The following CCDC6 variants were observed in gnomAD, a reference collection of about 807,000 sequenced individuals.
CCDC6 encodes the protein coiled-coil domain-containing protein 6.
Under a neutral mutation model 56.6 loss-of-function variants are expected in CCDC6, and 20 were observed. That is an observed-to-expected ratio of 0.35 (90% CI 0.25 to 0.51). CCDC6 has a LOEUF of 0.51. Among genes scored for constraint, CCDC6 ranks in the 20% least tolerant of loss-of-function variants. The pLI is 0.95. For missense variants in CCDC6, 367 were observed against 601.1 expected (o/e 0.61, Z 4.07); for synonymous variants, 241 against 234.4 (o/e 1.03, Z -0.26).
In CCDC6 at chr10:59,893,658, A is replaced by ACATG. The variant is rs200191020; in HGVS notation, c.303+12463_303+12464insCATG. Among the ~76,000 whole-genome samples the ACATG allele has an allele frequency of 9.7e-3, 1,367 of 140,718 alleles. 19 individuals are homozygous for ACATG. The highest frequency in any genetic ancestry group is 0.033 in the African/African-American group (1,250 of 38,238). The allele number at this position is 140,718 out of a possible 152,430, so 92.3% of individuals were successfully genotyped here. ...TACATACATACATACATACATACATACATACATACAATGAGCACTGTTTGA... is the reference window on the plus strand; with the variant it reads ...TACATACATACATACATACATACATACATGCATACATACAATGAGCACTGTTTGA... On this transcript the variant is annotated intron_variant, in intron 1 of 8. Coordinates refer to ENST00000263102, the MANE Select transcript of CCDC6 (RefSeq NM_005436.5).
intron 1 of CCDC6, among the ~76,000 whole-genome samples, chr10:59,881,629 C>T (rs139886628): frequency 8.8e-4 from 134 of 152,228 alleles, no homozygotes; most frequent in Middle Eastern, 3.4e-3. Flanking sequence ...GAAAAAAAGT[C>T]CAATATTCAA....
chr10:59,831,742 T>C lies in CCDC6; in HGVS notation c.582+783A>G, dbSNP rs1321687185. ...CGGGGAACACCGAGGCTAGCAATAA[T>C]ATAGTTTGACACACCCTGAATGGAG... On this transcript the variant is annotated intron_variant, in intron 3 of 8. Coordinates refer to ENST00000263102, the MANE Select transcript of CCDC6 (RefSeq NM_005436.5). 3.3e-5 allele frequency among the ~76,000 whole-genome samples: 5 copies of C among 152,148 alleles called. No individual in the cohort carries two copies. In the East Asian group the frequency reaches 9.6e-4, roughly 29 times the overall value.
intron 2 of CCDC6, among the ~76,000 whole-genome samples, chr10:59,849,437 G>C (rs959752118): frequency 1.3e-5 from 2 of 152,174 alleles, no homozygotes; most frequent in African/African-American, 4.8e-5. Context: ...TGTATCTTAA[G>C]CAAACTTGAT....
At chr10:59,885,605 C>T (rs905299147) in intron 1 of CCDC6, among the ~76,000 whole-genome samples, 14 of 152,170 alleles carry the variant, frequency 9.2e-5, no homozygotes, top group African/African-American at 3.1e-4. Flanking sequence ...ACATCCCGAT[C>T]TCACTCTGAC....
In CCDC6 at chr10:59,804,615, G is replaced by A. The variant is rs545505047; in HGVS notation, c.1005-95C>T. The A allele has an allele frequency of 1.6e-4, 120 of 738,106 alleles. No homozygotes were observed. The South Asian group carries it at 1.7e-3, about 10-fold the overall frequency. The allele number at this position is 738,106 out of a possible 1,614,324, so 45.7% of individuals were successfully genotyped here. On this transcript the variant is annotated intron_variant, in intron 6 of 8. Coordinates refer to ENST00000263102, the MANE Select transcript of CCDC6 (RefSeq NM_005436.5). ...AAAATGTTTGGGGTTCACACCTTGA[G>A]GTCAAAATCCTGAATGTTTAGAGTG...
chr10:59,791,013 A>G lies in CCDC6; in HGVS notation c.*1904T>C, dbSNP rs899299487. The G allele has an allele frequency of 4.9e-6, 1 of 205,922 alleles. No homozygotes were observed. Among genetic ancestry groups the G allele is most frequent in the Non-Finnish European group, 9.9e-6 (1 of 100,820 alleles). 12.8% of individuals were successfully genotyped at this position (205,922 alleles called of 1,614,324 possible). ...ACTGAGAACTGTACCATGAAGGCAAAATTTGTTTGCCTACTCTCAGAATTC... is the reference window on the plus strand; with the variant it reads ...ACTGAGAACTGTACCATGAAGGCAAGATTTGTTTGCCTACTCTCAGAATTC... On this transcript the variant is annotated 3_prime_UTR_variant, in exon 9 of 9. Coordinates refer to ENST00000263102, the MANE Select transcript of CCDC6 (RefSeq NM_005436.5).
rs113926990 is a variant in CCDC6, at chr10:59,844,558, T to C, written c.453+7995A>G. 3.0e-3 allele frequency among the ~76,000 whole-genome samples: 457 copies of C among 150,290 alleles called. 3 individuals are homozygous for C. Among genetic ancestry groups the C allele is most frequent in the African/African-American group, 0.011 (437 of 40,800 alleles). On this transcript the variant is annotated intron_variant, in intron 2 of 8. Transcript: ENST00000263102. Reference sequence around the variant, plus strand: ...TGTGGTCAGGAATCCAAGACCGGCCTGGCCAACATGGTAAAACCCTGTCTC... The same window carrying C: ...TGTGGTCAGGAATCCAAGACCGGCCCGGCCAACATGGTAAAACCCTGTCTC...
At chr10:59,901,674 G>A (rs2071504671) in intron 1 of CCDC6, among the ~76,000 whole-genome samples, 1 of 152,130 alleles carries the variant, frequency 6.6e-6, no homozygotes, top group Admixed American at 6.5e-5. Context: ...GAAACTGCCT[G>A]GAAGAGGTAC....
chr10:59,859,655 T>C (rs754475734), intron 1 of CCDC6, among the ~76,000 whole-genome samples: 4 of 151,942 alleles, frequency 2.6e-5, no homozygotes, highest in Non-Finnish European at 5.9e-5. Flanking sequence ...ATGAGAAAGA[T>C]TATCAAAGCA....
chr10:59,827,004 AAC>A (rs1158594448), intron 3 of CCDC6, among the ~76,000 whole-genome samples: 2 of 152,200 alleles, frequency 1.3e-5, no homozygotes, highest in African/African-American at 2.4e-5. Context: ...GAAACAATTA[AAC>A]AGAGTACTGA....
At chr10:59,899,849 C>A (rs191690964) in intron 1 of CCDC6, among the ~76,000 whole-genome samples, 24 of 151,166 alleles carry the variant, frequency 1.6e-4, no homozygotes, top group African/African-American at 5.3e-4. Flanking sequence ...AGGTAGCCCA[C>A]ATCACCCAAA....
chr10:59,827,542 A>G (rs1437584627), intron 3 of CCDC6, among the ~76,000 whole-genome samples: 1 of 152,180 alleles, frequency 6.6e-6, no homozygotes, highest in Non-Finnish European at 1.5e-5. Context: ...AAGAGGTCAA[A>G]TTGCATGCAT....
intron 2 of CCDC6, among the ~76,000 whole-genome samples, chr10:59,833,389 C>G (rs139094716): frequency 1.3e-5 from 2 of 152,204 alleles, no homozygotes; most frequent in African/African-American, 2.4e-5. Flanking sequence ...GTGGAGGCTG[C>G]AGTGAGCTGA....
chr10:59,799,426 G>A (rs569692346), intron 7 of CCDC6, among the ~76,000 whole-genome samples: 4 of 152,086 alleles, frequency 2.6e-5, no homozygotes, highest in East Asian at 1.9e-4. Flanking sequence ...ACTCTATCTC[G>A]AAAAAAGAAA....
intron 1 of CCDC6, among the ~76,000 whole-genome samples, chr10:59,874,250 A>G (rs1472400721): frequency 6.6e-6 from 1 of 152,158 alleles, no homozygotes; most frequent in Non-Finnish European, 1.5e-5. Flanking sequence ...CAAAGGCACA[A>G]ATTGATCTTC....
intron 6 of CCDC6, among the ~76,000 whole-genome samples, chr10:59,805,739 C>T (rs1053779278): frequency 4.6e-5 from 7 of 152,134 alleles, no homozygotes; most frequent in African/African-American, 1.4e-4. Flanking sequence ...AATGAAGAGG[C>T]ATACACATAG....
At chr10:59,805,471 ATATT>A (rs1423926461) in intron 6 of CCDC6, 1 of 152,206 alleles carries the variant, frequency 6.6e-6, no homozygotes, top group East Asian at 1.9e-4. Context: ...CTGGAAAAAA[ATATT>A]TATCTGGAAG....
At chr10:59,843,500 T>C (rs1316682320) in intron 2 of CCDC6, among the ~76,000 whole-genome samples, 3 of 152,260 alleles carry the variant, frequency 2.0e-5, no homozygotes, top group Non-Finnish European at 4.4e-5. Flanking sequence ...TTTACTTCTC[T>C]GAGTATAGTA....
chr10:59,899,040 A>G (rs1251596263), intron 1 of CCDC6, among the ~76,000 whole-genome samples: 2 of 152,226 alleles, frequency 1.3e-5, no homozygotes, highest in African/African-American at 4.8e-5. Context: ...TACTGGTATC[A>G]GGGTTGGAAT....
Sources: gnomAD v4.1 joint callset for allele counts (sites outside exome capture counted in the v4.1 genomes callset) on GRCh38, gnomAD v4.1.1 for gene constraint, MANE v1.5 for transcripts, NCBI Gene and HGNC (gene_info 2026-07-23, HGNC 2026-07-21) for gene names.